Variants in MCTP2 observed in about 807,000 individuals in gnomAD.
MCTP2 encodes multiple C2 and transmembrane domain containing 2.
In MCTP2, 132 loss-of-function variants were observed where a neutral mutation model predicts 111.6. The ratio of observed to expected loss-of-function variants is 1.18; its 90% confidence interval spans 1.03 to 1.37. MCTP2 has a LOEUF of 1.37. Among genes scored for constraint, MCTP2 ranks in the 40% most tolerant of loss-of-function variants. The pLI is 0.00. For synonymous variants in MCTP2, 395 were observed against 387.7 expected (o/e 1.02, Z -0.22); for missense variants, 1,183 against 1,067.9 (o/e 1.11, Z -1.50).
intron 17 of MCTP2, chr15:94,402,960 A>G: frequency 9.7e-7 from 1 of 1,026,788 alleles, no homozygotes; most frequent in Non-Finnish European, 1.2e-6. Flanking sequence ...GTTCTCTCTT[A>G]GCCAACAGGC....
intron 1 of MCTP2, among the ~76,000 whole-genome samples, chr15:94,242,797 T>A (rs2071073847): frequency 6.6e-6 from 1 of 151,488 alleles, no homozygotes; most frequent in African/African-American, 2.4e-5. Flanking sequence ...CATATCCTAT[T>A]GGCAGTATTG....
At chr15:94,393,582 T>A (rs1001877848) in intron 14 of MCTP2, among the ~76,000 whole-genome samples, 1 of 151,928 alleles carries the variant, frequency 6.6e-6, no homozygotes, top group African/African-American at 2.4e-5. Context: ...AGAAAAAAAA[T>A]CTTAAGATAT....
At chr15:94,255,468 T>C (rs1420689084) in intron 1 of MCTP2, among the ~76,000 whole-genome samples, 1 of 143,822 alleles carries the variant, frequency 7.0e-6, no homozygotes, top group Non-Finnish European at 1.5e-5. Flanking sequence ...AGTTTGACTT[T>C]CGTCATAGCA....
At chr15:94,429,339 T>C (rs1447969197) in intron 17 of MCTP2, among the ~76,000 whole-genome samples, 7 of 152,158 alleles carry the variant, frequency 4.6e-5, no homozygotes, top group Non-Finnish European at 7.3e-5. Flanking sequence ...CCCTTCCAGC[T>C]ATCACCATAT....
intron 17 of MCTP2, among the ~76,000 whole-genome samples, chr15:94,415,183 C>T (rs747081453): frequency 7.9e-5 from 12 of 152,116 alleles, no homozygotes; most frequent in Non-Finnish European, 1.8e-4. Context: ...AAAGATTACA[C>T]TCCCTCTCTA....
chr15:94,432,726 A>G (rs913928966), intron 17 of MCTP2, among the ~76,000 whole-genome samples: 4 of 152,172 alleles, frequency 2.6e-5, no homozygotes, highest in African/African-American at 7.2e-5. Context: ...AACAAAAGCA[A>G]TGTTTTTGAG....
chr15:94,290,486 G>A (rs557722713), intron 1 of MCTP2, among the ~76,000 whole-genome samples: 20 of 152,042 alleles, frequency 1.3e-4, no homozygotes, highest in African/African-American at 3.9e-4. Context: ...GAAGAAGGGC[G>A]GGAACAGAAA....
intron 13 of MCTP2, among the ~76,000 whole-genome samples, chr15:94,384,950 A>G (rs915680206): frequency 1.2e-4 from 18 of 152,254 alleles, no homozygotes; most frequent in African/African-American, 2.4e-4. Flanking sequence ...TAAAATATGT[A>G]TATTTTTAGT....
chr15:94,346,640 T>C (rs2077996007), intron 8 of MCTP2, among the ~76,000 whole-genome samples: 1 of 152,174 alleles, frequency 6.6e-6, no homozygotes, highest in African/African-American at 2.4e-5. Context: ...TAACCATCTT[T>C]AGTTAGGGAG....
At chr15:94,326,829 A>ACCCCCCCCCCCCCCCCCCC (rs2076905329) in intron 4 of MCTP2, among the ~76,000 whole-genome samples, 1 of 19,646 alleles carries the variant, frequency 5.1e-5, no homozygotes, top group African/African-American at 2.2e-4. Flanking sequence ...CCCCCCCCCA[A>ACCCCCCCCCCCCCCCCCCC]CCTCGGCCTC....
chr15:94,344,228 A>G (rs969041753), intron 7 of MCTP2, among the ~76,000 whole-genome samples: 3 of 152,220 alleles, frequency 2.0e-5, no homozygotes, highest in Admixed American at 6.5e-5. Context: ...GGTCAATGCA[A>G]TGTAAGTGGA....
chr15:94,436,593 G>A (rs1323149937), intron 17 of MCTP2, among the ~76,000 whole-genome samples: 4 of 152,052 alleles, frequency 2.6e-5, no homozygotes, highest in African/African-American at 4.8e-5. Context: ...AAGTATTCCC[G>A]ATAGAGGCCA....
chr15:94,472,318 A>C (rs991512074), intron 21 of MCTP2, among the ~76,000 whole-genome samples: 7 of 152,148 alleles, frequency 4.6e-5, no homozygotes, highest in Non-Finnish European at 7.4e-5. Flanking sequence ...CGGAAGTTGC[A>C]GGGAGCTGAG....
intron 2 of MCTP2, among the ~76,000 whole-genome samples, chr15:94,310,009 A>T (rs910582704): frequency 6.6e-6 from 1 of 152,212 alleles, no homozygotes; most frequent in Non-Finnish European, 1.5e-5. Context: ...ATTAGCTTTG[A>T]CAATATTTAA....
intron 17 of MCTP2, among the ~76,000 whole-genome samples, chr15:94,419,195 T>C (rs985940735): frequency 6.6e-6 from 1 of 152,134 alleles, no homozygotes; most frequent in Non-Finnish European, 1.5e-5. Flanking sequence ...CTGGAACTAC[T>C]GGATGGAAAT....
intron 12 of MCTP2, among the ~76,000 whole-genome samples, chr15:94,375,827 C>T (rs1468987935): frequency 6.6e-6 from 1 of 152,098 alleles, no homozygotes; most frequent in Non-Finnish European, 1.5e-5. Context: ...GGGACCATAA[C>T]AATTGCCTGA....
At chr15:94,475,911 C>CA (rs3837728) in intron 21 of MCTP2, among the ~76,000 whole-genome samples, 72,685 of 151,964 alleles carry the variant, frequency 0.48, 18,761 homozygotes, top group Non-Finnish European at 0.59. Flanking sequence ...CTTAAACGTT[C>CA]AACCCGTTTC....
chr15:94,464,448 ATTG>A (rs1192420275), intron 20 of MCTP2, among the ~76,000 whole-genome samples: 1 of 91,272 alleles, frequency 1.1e-5, no homozygotes, highest in Non-Finnish European at 2.3e-5. Context: ...TATGCTTGAT[ATTG>A]TTATCTTCTT....
intron 1 of MCTP2, among the ~76,000 whole-genome samples, chr15:94,249,010 A>G (rs1425616639): frequency 2.0e-4 from 30 of 152,192 alleles, no homozygotes; most frequent in Admixed American, 1.9e-3. Flanking sequence ...CTTAAATGCT[A>G]TTGAAGCGCT....
Sources: gnomAD v4.1 joint callset for allele counts (sites outside exome capture counted in the v4.1 genomes callset) on GRCh38, gnomAD v4.1.1 for gene constraint, MANE v1.5 for transcripts, NCBI Gene and HGNC (gene_info 2026-07-23, HGNC 2026-07-21) for gene names.